The following CA11 variants were observed in gnomAD, a reference collection of about 807,000 sequenced individuals.
CA11 encodes the protein carbonic anhydrase-related protein 11.
A neutral mutation model predicts 39.3 loss-of-function variants in CA11; 20 were observed. That is an observed-to-expected ratio of 0.51 (90% CI 0.36 to 0.74). The LOEUF (loss-of-function observed/expected upper bound fraction) is 0.74, where lower values mean the gene tolerates loss of function less well. Among genes scored for constraint, CA11 ranks in the 30% least tolerant of loss-of-function variants. The pLI is 0.00. For missense variants in CA11, 336 were observed against 424.6 expected (o/e 0.79, Z 1.83); for synonymous variants, 166 against 172.5 (o/e 0.96, Z 0.29).
chr19:48,638,336 C>A (rs1489314501), intron 8 of CA11, 192 bp from the exon 9 acceptor site: 1 of 1,022,746 alleles, frequency 9.8e-7, no homozygotes, highest in African/African-American at 2.0e-5. Context: ...TCGGGACGTC[C>A]AGATTCAGCA....
At position 48,643,203 on chromosome 19, in the gene CA11, T is replaced by G. The variant is rs2031142545; in HGVS notation, c.285+1224A>C. The stretch of plus-strand genomic sequence containing the variant: ...GCTCTCTCTCTTTCTTTTCTCTCCC[T>G]CTCTCTCTGTATTTATTTCTTTCTG... On this transcript the variant is annotated intron_variant, in intron 3 of 8. Transcript: ENST00000084798. The surrounding 1 kb of genome is among the most constrained non-coding windows in gnomAD (Gnocchi z 4.3). Among the ~76,000 whole-genome samples, 1 of 151,968 alleles carries G rather than the reference T, an allele frequency of 6.6e-6. No homozygotes were observed. The highest frequency in any genetic ancestry group is 1.5e-5 in the Non-Finnish European group (1 of 67,972).
rs1382182266 is a variant in CA11, at chr19:48,643,579, A to G, written c.285+848T>C. On this transcript the variant is annotated intron_variant, in intron 3 of 8. Coordinates refer to ENST00000084798, the MANE Select transcript of CA11 (RefSeq NM_001217.5). This position sits in a 1 kb window ranked among gnomAD's most constrained non-coding sequence, Gnocchi z 4.3. ...CAGGAATTTGAGGTTACAGTGAGCT[A>G]TGACTGGGCCACTGCACTCCAGCCT... Among the ~76,000 whole-genome samples the G allele has an allele frequency of 6.6e-6, 1 of 151,472 alleles. No homozygotes were observed. The highest frequency in any genetic ancestry group is 1.5e-5 in the Non-Finnish European group (1 of 67,920).
In CA11 at chr19:48,638,312, A is replaced by C. The variant is rs1392919055; in HGVS notation, c.962-168T>G. 11 of 1,050,316 alleles carry C rather than the reference A, an allele frequency of 1.0e-5. 1 individual carries two copies. The East Asian group carries it at 6.8e-4, about 65-fold the overall frequency. The allele number at this position is 1,050,316 out of a possible 1,614,324, so 65.1% of individuals were successfully genotyped here. The stretch of plus-strand genomic sequence containing the variant: ...CACTGGGCTGAACCACAAGAAGCCA[A>C]TAGGAGGGGGGAATCGGGACGTCCA... On this transcript the variant is annotated intron_variant, in intron 8 of 8. Transcript: ENST00000084798.
intron 3 of CA11, 89 bp from the exon 4 acceptor site, chr19:48,640,369 T>TA (rs2031033379): frequency 8.8e-6 from 3 of 340,722 alleles, no homozygotes; most frequent in Admixed American, 1.1e-4. Flanking sequence ...CCAACAGTCT[T>TA]TTTTTTTTTT....
Position 48,645,871 on chromosome 19 carries a change from A to G in CA11, c.-239T>C, listed in dbSNP as rs779652829. 1.9e-6 allele frequency: 1 copy of G among 514,368 alleles called. No individual in the cohort carries two copies. The highest frequency in any genetic ancestry group is 2.0e-5 in the African/African-American group (1 of 49,610). 31.9% of individuals were successfully genotyped at this position (514,368 alleles called of 1,614,324 possible). ...CCTCTTTCCTCTGCTCTTTTCCCGG[A>G]ACCCTCCAGTCTCCCTCTAGCTCCT... On this transcript the variant is annotated 5_prime_UTR_variant, in exon 1 of 9. Transcript: ENST00000084798.
intron 4 of CA11, 88 bp downstream of exon 4, chr19:48,640,007 G>C: frequency 6.6e-7 from 1 of 1,510,302 alleles, no homozygotes; most frequent in Non-Finnish European, 9.1e-7. Flanking sequence ...TGTGGAGGAG[G>C]ATGGGGTGAG....
At position 48,638,873 on chromosome 19, in the gene CA11, C is replaced by T. The variant is rs1048147614; in HGVS notation, c.961+15G>A. On this transcript the variant is annotated intron_variant, in intron 8 of 8. Transcript: ENST00000084798. ...GTTAGCCCAAGACTTAGAGGGGGTG[C>T]AGACTGGACCATACCATGCAGGCGG... The T allele has an allele frequency of 6.4e-7, 1 of 1,554,202 alleles. No homozygotes were observed. Among genetic ancestry groups the T allele is most frequent in the African/African-American group, 1.4e-5 (1 of 72,736 alleles).
In CA11 at chr19:48,638,039, A is replaced by T; in HGVS notation, c.*80T>A. The T allele has an allele frequency of 1.9e-6, 2 of 1,048,704 alleles. No homozygotes were observed. The highest frequency in any genetic ancestry group is 1.8e-5 in the South Asian group (1 of 55,068). 65.0% of individuals were successfully genotyped at this position (1,048,704 alleles called of 1,614,324 possible). A position where few individuals can be genotyped will look rare whatever the true frequency, so the allele number is the denominator to read the frequency against. On this transcript the variant is annotated 3_prime_UTR_variant, in exon 9 of 9. Transcript: ENST00000084798. The stretch of plus-strand genomic sequence containing the variant: ...AAAACAGGAAGTATTCTGTCCCTTT[A>T]ATAGCTTTGTTTTAGGGGTAACTCC...
chr19:48,639,809 G>A lies in CA11; in HGVS notation c.546C>T (p.Ala182=), dbSNP rs754468877. The change falls in exon 5 of 9, where the codon GCC becomes GCT. Residue 182 remains alanine (A), a synonymous_variant. Coordinates refer to ENST00000084798, the MANE Select transcript of CA11 (RefSeq NM_001217.5). ...SAASRGPNGL[A]ILSLFVNVAS... is the part of the protein sequence containing the mutation. ...TCACGTTGACAAAGAGGCTGAGAAT[G>A]GCCAGGCCATTGGGGCCGCGGGAGG... 6.2e-7 allele frequency: 1 copy of A among 1,613,938 alleles called. No individual in the cohort carries two copies. The highest frequency in any genetic ancestry group is 1.3e-5 in the African/African-American group (1 of 74,914).
chr19:48,638,896 C>A lies in CA11; in HGVS notation c.953G>T (p.Arg318Leu), dbSNP rs368772133. Residue 318 changes from arginine (R) to leucine (L), a missense_variant, in exon 8 of 9, where the codon CGC becomes CTC. Physicochemically the swap from Arg to Leu is moderately radical, Grantham distance 102. Coordinates refer to ENST00000084798, the MANE Select transcript of CA11 (RefSeq NM_001217.5). ...PERRCRGPNY[R>L]LHVDGVPHGR The stretch of plus-strand genomic sequence containing the variant: ...TGCAGACTGGACCATACCATGCAGG[C>A]GGTAGTTGGGGCCTCGGCAGCGCCT... 8 of 1,590,412 alleles carry A rather than the reference C, an allele frequency of 5.0e-6. No homozygotes were observed. In the African/African-American group the frequency reaches 9.5e-5, roughly 19 times the overall value.
rs750309400 is a variant in CA11 at position 48,639,015 on chromosome 19, A to G, written c.834T>C (p.Ser278=). ...TACCGCTGAGGCTCTGGAAGATCTGAGATGGAGGATTCTGGCTCAGGAGTC... is the reference window on the plus strand; with the variant it reads ...TACCGCTGAGGCTCTGGAAGATCTGGGATGGAGGATTCTGGCTCAGGAGTC... ...SLRLLSQNPP[S]QIFQSLSGNS... The change falls in exon 8 of 9, where the codon TCT becomes TCC. Residue 278 remains serine, a synonymous_variant. Coordinates refer to ENST00000084798, the MANE Select transcript of CA11 (RefSeq NM_001217.5). 1 of 1,613,726 alleles carries G rather than the reference A, an allele frequency of 6.2e-7. No individual in the cohort carries two copies. The highest frequency in any genetic ancestry group is 8.5e-7 in the Non-Finnish European group (1 of 1,179,936).
intron 8 of CA11, among the ~76,000 whole-genome samples, 157 bp downstream of exon 8, chr19:48,638,731 T>C (rs1263902466): frequency 6.6e-6 from 1 of 151,818 alleles, no homozygotes; most frequent in East Asian, 1.9e-4. Flanking sequence ...CTGTACCACA[T>C]AGACATGTAG....
At chr19:48,645,053 T>C (rs2031205363) in intron 2 of CA11, among the ~76,000 whole-genome samples, 1 of 152,150 alleles carries the variant, frequency 6.6e-6, no homozygotes, top group Non-Finnish European at 1.5e-5. Flanking sequence ...TTATTATTAA[T>C]GTGTTGGGGA....
chr19:48,644,543 C>A lies in CA11; in HGVS notation c.169G>T (p.Ala57Ser). Residue 57 changes from alanine (A) to serine (S), a missense_variant, in exon 3 of 9, where the codon GCA becomes TCA. By Grantham distance (99) the Ala-to-Ser change is moderately conservative (BLOSUM62 1). Coordinates refer to ENST00000084798, the MANE Select transcript of CA11 (RefSeq NM_001217.5). ...CCCACAGCACACAGACTCCACGCTGCATTCACCAGGCCCCAGAAAGGAGGC... is the reference window on the plus strand; with the variant it reads ...CCCACAGCACACAGACTCCACGCTGAATTCACCAGGCCCCAGAAAGGAGGC... ...PGPPFWGLVN[A>S]AWSLCAVGKR... 1 of 1,603,596 alleles carries A rather than the reference C, an allele frequency of 6.2e-7. No individual in the cohort carries two copies. Among genetic ancestry groups the A allele is most frequent in the East Asian group, 2.2e-5 (1 of 44,684 alleles).
Position 48,645,562 on chromosome 19 carries a change from TTACCTGCTGCCCCCA to T in CA11, c.56_67+3del. 5 of 1,603,696 alleles carry T rather than the reference TTACCTGCTGCCCCCA, an allele frequency of 3.1e-6. No homozygotes were observed. Among genetic ancestry groups the T allele is most frequent in the Non-Finnish European group, 4.3e-6 (5 of 1,175,246 alleles). ...GGGCTCCTCCCGGGAACCCCAGGTC[TTACCTGCTGCCCCCA>T]GTGCAGCCCAGAGTACCAGCGCTCG... is the stretch of plus-strand genomic sequence containing the variant. On this transcript the variant is annotated splice_donor_variant and splice_donor_region_variant and coding_sequence_variant and intron_variant, in exon 1 of 9. Coordinates refer to ENST00000084798, the MANE Select transcript of CA11 (RefSeq NM_001217.5). LOFTEE classifies it high-confidence loss of function.
In CA11 at chr19:48,645,690, T is replaced by C; in HGVS notation, c.-58A>G. 1 of 1,354,062 alleles carries C rather than the reference T, an allele frequency of 7.4e-7. No individual in the cohort carries two copies. Among genetic ancestry groups the C allele is most frequent in the Non-Finnish European group, 9.9e-7 (1 of 1,015,032 alleles). 83.9% of individuals were successfully genotyped at this position (1,354,062 alleles called of 1,614,324 possible). A position where few individuals can be genotyped will look rare whatever the true frequency, so the allele number is the denominator to read the frequency against. Reference sequence around the variant, plus strand: ...CGCCCTGCCCCCCTCTCTCAGCTCCTCTGTCCCCTCCTTCTGGGACCCTGT... The same window carrying C: ...CGCCCTGCCCCCCTCTCTCAGCTCCCCTGTCCCCTCCTTCTGGGACCCTGT... On this transcript the variant is annotated 5_prime_UTR_variant, in exon 1 of 9. Transcript: ENST00000084798.
At chr19:48,639,202 G>A (rs929600766) in intron 7 of CA11, 103 bp downstream of exon 7, 2 of 1,532,988 alleles carry the variant, frequency 1.3e-6, no homozygotes, top group East Asian at 4.5e-5. Flanking sequence ...TTACCTACTT[G>A]AGTTCAGTCT....
chr19:48,643,789 A>C lies in CA11; in HGVS notation c.285+638T>G, dbSNP rs1481549262. On this transcript the variant is annotated intron_variant, in intron 3 of 8. Coordinates refer to ENST00000084798, the MANE Select transcript of CA11 (RefSeq NM_001217.5). The surrounding 1 kb of genome is among the most constrained non-coding windows in gnomAD (Gnocchi z 4.3). ...TGTCAGTTTCTGCATGTATATAATAAGGTTAATAATTGTACCCATTTTGGC... is the reference window on the plus strand; with the variant it reads ...TGTCAGTTTCTGCATGTATATAATACGGTTAATAATTGTACCCATTTTGGC... Among the ~76,000 whole-genome samples, 1 of 152,068 alleles carries C rather than the reference A, an allele frequency of 6.6e-6. No homozygotes were observed. Among genetic ancestry groups the C allele is most frequent in the Non-Finnish European group, 1.5e-5 (1 of 68,026 alleles).
intron 8 of CA11, 179 bp from the exon 9 acceptor site, chr19:48,638,323 G>C: frequency 9.9e-7 from 1 of 1,013,094 alleles, no homozygotes; most frequent in Non-Finnish European, 1.2e-6. Context: ...TAGGAGGGGG[G>C]AATCGGGACG....
Sources: allele counts gnomAD v4.1 joint callset (sites outside exome capture counted in the v4.1 genomes callset), GRCh38; gene constraint gnomAD v4.1.1; non-coding constraint Gnocchi (gnomAD v3.1); transcripts MANE v1.5; gene names NCBI Gene and HGNC (gene_info 2026-07-23, HGNC 2026-07-21).